NBR1: variants seen among roughly 807,000 people sequenced by gnomAD.
NBR1 encodes the protein next to BRCA1 gene 1 protein.
NBR1 carries 59 observed loss-of-function variants against 115.5 expected under a neutral mutation model. That is an observed-to-expected ratio of 0.51 (90% CI 0.41 to 0.63). NBR1 has a LOEUF of 0.63. Ranked by LOEUF, NBR1 falls within the 30% of genes least tolerant of loss-of-function variation. NBR1 has a pLI of 0.00. For synonymous variants in NBR1, 373 were observed against 414.7 expected, an observed-to-expected ratio of 0.90 and a Z score of 1.22; for missense variants, 1,043 against 1,150.5, an observed-to-expected ratio of 0.91 and a Z score of 1.35.
At chr17:43,196,715 T>C (rs2057076103) in intron 15 of NBR1, 124 bp downstream of exon 15, 10 of 874,688 alleles carry the variant, frequency 1.1e-5, no homozygotes. Context: ...TAGCATCTCA[T>C]GTTTTGAAGT....
At chr17:43,195,321 G>A (rs2057041555) in intron 14 of NBR1, 4 of 395,334 alleles carry the variant, frequency 1.0e-5, no homozygotes, top group Non-Finnish European at 1.8e-5. Flanking sequence ...GGGCAACATG[G>A]TGAAACCCCC....
chr17:43,192,400 C>T (rs1442756178), intron 10 of NBR1, among the ~76,000 whole-genome samples: 7 of 150,412 alleles, frequency 4.7e-5, no homozygotes, highest in African/African-American at 1.7e-4. Context: ...CTTGGAGTCT[C>T]GCCTGTTGCC....
intron 14 of NBR1, 39 bp downstream of exon 14, chr17:43,195,078 A>G: frequency 6.5e-7 from 1 of 1,527,804 alleles, no homozygotes; most frequent in Non-Finnish European, 9.1e-7. Context: ...CGTCTTACTA[A>G]TAGGCACAAA....
At position 43,192,269 on chromosome 17, in the gene NBR1, G is replaced by A. The variant is rs193246344; in HGVS notation, c.1073+688G>A. On this transcript the variant is annotated intron_variant, in intron 10 of 20. Coordinates refer to ENST00000590996, the MANE Select transcript of NBR1 (RefSeq NM_005899.5). ...AACTCCTGACCTCATGAATCCGCCC[G>A]CCTTGGCCTCCCAAAATGGTGAGAT... 5.9e-5 allele frequency among the ~76,000 whole-genome samples: 9 copies of A among 152,124 alleles called. No homozygotes were observed. The East Asian group carries it at 1.4e-3, about 23-fold the overall frequency.
intron 5 of NBR1, among the ~76,000 whole-genome samples, chr17:43,181,972 G>A (rs1421715946): frequency 6.6e-6 from 1 of 151,476 alleles, no homozygotes; most frequent in African/African-American, 2.4e-5. Flanking sequence ...CAACAAGAGG[G>A]AAACTCCATC....
At position 43,206,992 on chromosome 17, in the gene NBR1, G is replaced by T. The variant is rs755138381; in HGVS notation, c.2728-2909G>T. Among the ~76,000 whole-genome samples, 65 of 152,194 alleles carry T rather than the reference G, an allele frequency of 4.3e-4. No homozygotes were observed. The Middle Eastern group carries it at 0.014, about 32-fold the overall frequency. ...AGGTGGGAGAATAGCTTGAGCCCCA[G>T]AGGCAGAGGCTGCAGTGAGCTGAGG... On this transcript the variant is annotated intron_variant, in intron 20 of 20. Transcript: ENST00000590996.
chr17:43,190,719 C>T lies in NBR1; in HGVS notation c.806C>T (p.Pro269Leu), dbSNP rs375860809. Residue 269 changes from proline (P) to leucine (L), a missense_variant, in exon 9 of 21, where the codon CCG (proline) becomes CTG (leucine). Transcript: ENST00000590996. ...LRRPVVGSSE[P>L]FCHSKYSTPR... ...AGACCTGTTGTGGGCTCCTCTGAAC[C>T]GTTCTGTCACTCAAAGTACTCTACT... 28 of 1,613,746 alleles carry T rather than the reference C, an allele frequency of 1.7e-5. No homozygotes were observed. The highest frequency in any genetic ancestry group is 2.2e-5 in the South Asian group (2 of 91,062).
intron 5 of NBR1, among the ~76,000 whole-genome samples, chr17:43,185,955 C>T (rs1317539386): frequency 6.6e-6 from 1 of 151,704 alleles, no homozygotes; most frequent in Non-Finnish European, 1.5e-5. Context: ...GAGCCAAGAC[C>T]GTGCCATTGC....
chr17:43,188,180 G>A (rs2056863515), intron 6 of NBR1, among the ~76,000 whole-genome samples: 1 of 152,152 alleles, frequency 6.6e-6, no homozygotes, highest in Non-Finnish European at 1.5e-5. Context: ...GTGAGCCACT[G>A]CGCCCGGCCT....
chr17:43,184,207 A>G (rs1597976691), intron 5 of NBR1, among the ~76,000 whole-genome samples: 1 of 149,052 alleles, frequency 6.7e-6, no homozygotes, highest in South Asian at 2.1e-4. Flanking sequence ...AAATACCACC[A>G]TGCTCCGATG....
intron 2 of NBR1, 62 bp downstream of exon 2, chr17:43,175,963 C>A (rs2056506551): frequency 2.1e-6 from 2 of 958,424 alleles, no homozygotes; most frequent in East Asian, 2.6e-5. Flanking sequence ...CCAAAGGTAG[C>A]TATTTTTAGC....
Position 43,196,590 on chromosome 17 carries a change from T to C in NBR1, c.1860T>C (p.Pro620=), listed in dbSNP as rs1350974717. The change falls in exon 15 of 21, where the codon CCT becomes CCC. Residue 620 remains proline, a splice_region_variant and synonymous_variant. Transcript: ENST00000590996. ...AAGGGGCAGGATTTAAAGCACTTCC[T>C]GGTAAGGGATTAAACATTTGTAAAG... ...ENEGAGFKAL[P]DSMVSVKRKA... is the part of the protein sequence containing the mutation. 6.3e-7 allele frequency: 1 copy of C among 1,582,076 alleles called. No homozygotes were observed. Among genetic ancestry groups the C allele is most frequent in the Non-Finnish European group, 8.6e-7 (1 of 1,160,422 alleles).
intron 20 of NBR1, among the ~76,000 whole-genome samples, 182 bp downstream of exon 20, chr17:43,203,968 C>T (rs529448005): frequency 5.3e-5 from 8 of 150,014 alleles, no homozygotes; most frequent in Non-Finnish European, 1.0e-4. Context: ...GACGAAGTCT[C>T]GCTCTGTTGC....
rs1448632684 is a variant in NBR1 at position 43,191,362 on chromosome 17, TATC to T, written c.864-9_864-7del. The T allele has an allele frequency of 6.3e-7, 1 of 1,597,090 alleles. No individual in the cohort carries two copies. The highest frequency in any genetic ancestry group is 8.6e-7 in the Non-Finnish European group (1 of 1,169,192). ...ACTTTCTTTTAAGACTTGCTTTTATTATCTCACAGGCTCCAGAAACAGGTTGAT... is the reference window on the plus strand; with the variant it reads ...ACTTTCTTTTAAGACTTGCTTTTATTTCACAGGCTCCAGAAACAGGTTGAT... On this transcript the variant is annotated splice_polypyrimidine_tract_variant and splice_region_variant and intron_variant, in intron 9 of 20. Coordinates refer to ENST00000590996, the MANE Select transcript of NBR1 (RefSeq NM_005899.5).
At position 43,209,779 on chromosome 17, in the gene NBR1, C is replaced by T; in HGVS notation, c.2728-122C>T. ...GTGCCATAGCCTTGAATCTAATTAC[C>T]TAGTACTTTGAATAAATCTGGAAAG... On this transcript the variant is annotated intron_variant, in intron 20 of 20. Coordinates refer to ENST00000590996, the MANE Select transcript of NBR1 (RefSeq NM_005899.5). 2.7e-6 allele frequency: 4 copies of T among 1,471,342 alleles called. 1 individual carries two copies. The highest frequency in any genetic ancestry group is 1.8e-4 in the Middle Eastern group (1 of 5,484). 91.1% of individuals were successfully genotyped at this position (1,471,342 alleles called of 1,614,324 possible).
At chr17:43,192,331 T>G (rs1156442407) in intron 10 of NBR1, among the ~76,000 whole-genome samples, 1 of 149,228 alleles carries the variant, frequency 6.7e-6, no homozygotes, top group African/African-American at 2.5e-5. Flanking sequence ...TGGCGTGGTC[T>G]TAGTATTATT....
intron 6 of NBR1, among the ~76,000 whole-genome samples, chr17:43,188,740 A>G (rs2056876885): frequency 6.6e-6 from 1 of 152,156 alleles, no homozygotes; most frequent in Admixed American, 6.6e-5. Flanking sequence ...TGCCTGTTTC[A>G]GTCTATCCAA....
At chr17:43,183,062 C>T (rs1051722162) in intron 5 of NBR1, among the ~76,000 whole-genome samples, 1 of 151,132 alleles carries the variant, frequency 6.6e-6, no homozygotes, top group Non-Finnish European at 1.5e-5. Context: ...CTGCGCCTGG[C>T]GTCTTTTTTT....
chr17:43,202,864 T>C (rs564633445), intron 19 of NBR1, among the ~76,000 whole-genome samples, 152 bp downstream of exon 19: 4 of 152,278 alleles, frequency 2.6e-5, no homozygotes, highest in African/African-American at 9.6e-5. Flanking sequence ...TCTAAAGGCT[T>C]TGAGCAACAC....
Sources: gnomAD v4.1 joint callset for allele counts (sites outside exome capture counted in the v4.1 genomes callset) on GRCh38, gnomAD v4.1.1 for gene constraint, MANE v1.5 for transcripts, NCBI Gene and HGNC (gene_info 2026-07-23, HGNC 2026-07-21) for gene names.